Variants in ULK1 observed in about 807,000 individuals in gnomAD.
ULK1 encodes unc-51 like autophagy activating kinase 1, also known as serine/threonine-protein kinase ULK1.
In ULK1, 48 loss-of-function variants were observed where a neutral mutation model predicts 117.5. The observed-to-expected ratio is 0.41, with a 90% confidence interval of 0.32 to 0.52. The LOEUF (loss-of-function observed/expected upper bound fraction) is 0.52, where lower values mean the gene tolerates loss of function less well. ULK1 is among the 20% of genes least tolerant of loss of function. The probability of loss-of-function intolerance (pLI) is 0.29; values close to 1 mark genes in which losing one functional copy is unlikely to be tolerated. For synonymous variants in ULK1, 790 were observed against 637.8 expected (o/e 1.24, Z -3.60); for missense variants, 1,387 against 1,473.4 (o/e 0.94, Z 0.96).
chr12:131,911,810 C>A, intron 12 of ULK1, 132 bp from the exon 13 acceptor site: 2 of 1,265,544 alleles, frequency 1.6e-6, no homozygotes, highest in South Asian at 1.3e-5. Context: ...GGAAGAAAGA[C>A]GTGCCCAGCC....
chr12:131,918,763 G>GAGTGTGGGGTGTAGTGTGTGGGGTGTCA, intron 23 of ULK1, 82 bp downstream of exon 23: 1 of 1,315,880 alleles, frequency 7.6e-7, no homozygotes, highest in East Asian at 2.8e-5. Flanking sequence ...GTGGGGTATA[G>GAGTGTGGGGTGTAGTGTGTGGGGTGTCA]GGTGTGTGGG....
intron 15 of ULK1, 66 bp downstream of exon 15, chr12:131,913,902 C>T: frequency 7.5e-7 from 1 of 1,338,934 alleles, no homozygotes; most frequent in Middle Eastern, 2.4e-4. Flanking sequence ...GTTGGGCTTC[C>T]TGTGTGTCGC....
rs143018342 is a variant in ULK1 at position 131,918,607 on chromosome 12, G to T, written c.2437G>T (p.Asp813Tyr). ...TCCAGGACACGGCTGCAGCTTTGCC[G>T]ACCCCATTACTGCGAACCTGGAGGG... Reference protein sequence around the residue: ...PAPGHGCSFADPITANLEGAV... With the variant: ...PAPGHGCSFAYPITANLEGAV... Residue 813 changes from aspartate to tyrosine, a missense_variant, in exon 23 of 28, where the codon GAC becomes TAC. Transcript: ENST00000321867. 5.6e-6 allele frequency: 9 copies of T among 1,610,602 alleles called. No individual in the cohort carries two copies. In the South Asian group the frequency reaches 7.7e-5, roughly 14 times the overall value.
In ULK1 at chr12:131,916,101, A is replaced by G; in HGVS notation, c.1820A>G (p.Lys607Arg). The change falls in exon 19 of 28, where the codon AAG (lysine) becomes AGG (arginine). Residue 607 changes from lysine to arginine, a missense_variant. Lys to Arg is a conservative substitution (Grantham distance 26, BLOSUM62 2). Transcript: ENST00000321867. ...QSCRNLRGSPKLPDFLQRNPL... is the reference protein window; with the variant it reads ...QSCRNLRGSPRLPDFLQRNPL... ...TGCCGGAACCTGCGGGGCTCACCCA[A>G]GCTGCCCGACTTCCTGCAGCGAAAC... 1 of 1,612,538 alleles carries G rather than the reference A, an allele frequency of 6.2e-7. No homozygotes were observed. Among genetic ancestry groups the G allele is most frequent in the Non-Finnish European group, 8.5e-7 (1 of 1,179,856 alleles).
Position 131,916,463 on chromosome 12 carries a change from G to T in ULK1, c.1944G>T (p.Arg648=). The T allele has an allele frequency of 6.2e-7, 1 of 1,611,744 alleles. No individual in the cohort carries two copies. The highest frequency in any genetic ancestry group is 8.5e-7 in the Non-Finnish European group (1 of 1,179,480). The change falls in exon 20 of 28, where the codon CGG becomes CGT. Residue 648 remains arginine (R), a synonymous_variant. Transcript: ENST00000321867. ...AGAACCTGCTGGCCCTCCTAGCCCG[G>T]CAGGGCGTGGTGATGACGCCCCCTC... is the stretch of plus-strand genomic sequence containing the variant. ...SSQNLLALLA[R]QGVVMTPPRN...
rs921952912 is a variant in ULK1, at chr12:131,916,587, G to A, written c.2068G>A (p.Gly690Ser). 1.9e-6 allele frequency: 3 copies of A among 1,576,942 alleles called. No individual in the cohort carries two copies. Among genetic ancestry groups the A allele is most frequent in the Non-Finnish European group, 2.6e-6 (3 of 1,168,040 alleles). ...AGGCGAGGACCCCAAGGGCCCCTTT[G>A]GCCGGTGAGTTGAGGGGACAGGCCT... is the stretch of plus-strand genomic sequence containing the variant. ...RPGEDPKGPF[G>S]RSFSTSRLTD... is the part of the protein sequence containing the mutation. The change falls in exon 20 of 28, where the codon GGC becomes AGC. Residue 690 changes from glycine to serine, a missense_variant. By Grantham distance (56) the Gly-to-Ser change is moderately conservative (BLOSUM62 0). Around this residue, in one of 4 missense-constraint regions of ULK1, gnomAD observed 900 missense variants for 858.9 expected, o/e 1.05. Coordinates refer to ENST00000321867, the MANE Select transcript of ULK1 (RefSeq NM_003565.4).
intron 21 of ULK1, 55 bp downstream of exon 21, chr12:131,917,117 A>ACGGGGC: frequency 1.5e-6 from 1 of 665,352 alleles, no homozygotes. Context: ...AGGCTGTGGG[A>ACGGGGC]TGGGGGTCGG....
intron 3 of ULK1, among the ~76,000 whole-genome samples, chr12:131,905,962 G>A (rs1263554192): frequency 6.6e-6 from 1 of 152,230 alleles, no homozygotes; most frequent in African/African-American, 2.4e-5. Flanking sequence ...GCAGCGGAGG[G>A]GGTGGCTGAG....
intron 12 of ULK1, 113 bp downstream of exon 12, chr12:131,910,913 C>G: frequency 6.6e-7 from 1 of 1,503,848 alleles, no homozygotes. Flanking sequence ...GTGTGAGTCA[C>G]GAAAGACATG....
chr12:131,908,091 C>T (rs991758883), intron 5 of ULK1, among the ~76,000 whole-genome samples: 7 of 152,130 alleles, frequency 4.6e-5, no homozygotes, highest in Admixed American at 2.6e-4. Flanking sequence ...CCTGAGCACC[C>T]GGGAGCCGGC....
At chr12:131,918,299 G>A in intron 22 of ULK1, 198 bp from the exon 23 acceptor site, 1 of 660,440 alleles carries the variant, frequency 1.5e-6, no homozygotes, top group Non-Finnish European at 2.5e-6. Context: ...GGGACTTGGG[G>A]GTTGTGGTGA....
chr12:131,910,402 G>A, intron 11 of ULK1, 98 bp downstream of exon 11: 4 of 1,548,116 alleles, frequency 2.6e-6, no homozygotes, highest in Non-Finnish European at 3.6e-6. Context: ...AGAGGGAGCA[G>A]GTCTTGAGCT....
Position 131,919,339 on chromosome 12 carries a change from A to G in ULK1, c.2639A>G (p.Glu880Gly). The G allele has an allele frequency of 2.1e-6, 3 of 1,442,114 alleles. No individual in the cohort carries two copies. The highest frequency in any genetic ancestry group is 1.9e-6 in the Non-Finnish European group (2 of 1,079,424). 89.3% of individuals were successfully genotyped at this position (1,442,114 alleles called of 1,614,324 possible). ...GGGGGCCCTGAGTACCAGCTGCAGG[A>G]GAGTGTGGTGGCCGACCAGATCAGC... Reference protein sequence around the residue: ...AAGGPEYQLQESVVADQISLL... With the variant: ...AAGGPEYQLQGSVVADQISLL... Residue 880 changes from glutamate to glycine, a missense_variant, in exon 24 of 28, where the codon GAG becomes GGG. This residue lies in a region of ULK1 where 900 missense variants were observed against 858.9 expected (regional missense o/e 1.05). Coordinates refer to ENST00000321867, the MANE Select transcript of ULK1 (RefSeq NM_003565.4).
rs1399550623 is a variant in ULK1, at chr12:131,894,848, C to T, written c.-154C>T. The T allele has an allele frequency of 6.0e-6, 1 of 167,276 alleles. No individual in the cohort carries two copies. The highest frequency in any genetic ancestry group is 1.2e-5 in the Non-Finnish European group (1 of 85,130). The allele number at this position is 167,276 out of a possible 1,614,324, so 10.4% of individuals were successfully genotyped here. On this transcript the variant is annotated 5_prime_UTR_variant, in exon 1 of 28. Transcript: ENST00000321867. ...GGCTGGGACCCGGCCCCGGCCTGCCCGATGGGGCGCGCGGCCCCGGAGATG... is the reference window on the plus strand; with the variant it reads ...GGCTGGGACCCGGCCCCGGCCTGCCTGATGGGGCGCGCGGCCCCGGAGATG...
intron 3 of ULK1, among the ~76,000 whole-genome samples, chr12:131,900,108 C>G (rs1255820794): frequency 1.5e-5 from 1 of 68,338 alleles, no homozygotes; most frequent in East Asian, 4.1e-4. Context: ...CAGAGTGAAA[C>G]TCTCTCAAAA....
chr12:131,912,020 G>A lies in ULK1; in HGVS notation c.1027G>A (p.Asp343Asn), dbSNP rs61731335. The change falls in exon 13 of 28, where the codon GAC becomes AAC. Residue 343 changes from aspartate (D) to asparagine (N), a missense_variant. This residue lies in a region of ULK1 where 260 missense variants were observed against 271.6 expected (regional missense o/e 0.96). Transcript: ENST00000321867. ...DTAGFLHSSR[D>N]SGGSKDSSCD... ...CGCTGGCTTCCTGCACAGCTCCCGG[G>A]ACTCTGGTGGCAGCAAGGACTCTTC... 1.8e-5 allele frequency: 29 copies of A among 1,612,766 alleles called. No homozygotes were observed. In the African/African-American group the frequency reaches 2.9e-4, roughly 16 times the overall value.
At chr12:131,919,109 T>G (rs56263650) in intron 23 of ULK1, 103 bp from the exon 24 acceptor site, 1,363,165 of 1,365,032 alleles carry the variant, frequency 1, 680,669 homozygotes, top group East Asian at 1. Flanking sequence ...CAGGGGAGGG[T>G]ACCCTGCCCT....
intron 1 of ULK1, 38 bp downstream of exon 1, chr12:131,895,150 A>T: frequency 2.5e-6 from 3 of 1,181,482 alleles, no homozygotes; most frequent in Non-Finnish European, 1.1e-6. Flanking sequence ...CCCGCCCAGG[A>T]TCCCCTGCCC....
rs1889654081 is a variant in ULK1, at chr12:131,913,821, C to T, written c.1232C>T (p.Ser411Phe). ...TPSPSPPCSS[S>F]PSPSGRAGPF... ...TCTCCATCCCCACCCTGCAGCAGCTCCCCCAGTCCCTCAGGGTAAGCAGGG... is the reference window on the plus strand; with the variant it reads ...TCTCCATCCCCACCCTGCAGCAGCTTCCCCAGTCCCTCAGGGTAAGCAGGG... Residue 411 changes from serine (S) to phenylalanine (F), a missense_variant, in exon 15 of 28, where the codon TCC (serine) becomes TTC (phenylalanine). Physicochemically the swap from Ser to Phe is radical, Grantham distance 155. Transcript: ENST00000321867. 4 of 1,553,692 alleles carry T rather than the reference C, an allele frequency of 2.6e-6. No individual in the cohort carries two copies. The highest frequency in any genetic ancestry group is 2.6e-6 in the Non-Finnish European group (3 of 1,149,978).
Sources: gnomAD v4.1 joint callset for allele counts (sites outside exome capture counted in the v4.1 genomes callset) on GRCh38, gnomAD v4.1.1 for gene constraint, gnomAD v4.1.1 regional missense constraint, MANE v1.5 for transcripts, NCBI Gene and HGNC (gene_info 2026-07-23, HGNC 2026-07-21) for gene names.